SV2C: variants seen among roughly 807,000 people sequenced by gnomAD.
SV2C encodes synaptic vesicle glycoprotein 2C.
A neutral mutation model predicts 79.7 loss-of-function variants in SV2C; 49 were observed. The observed-to-expected ratio is 0.61, with a 90% CI of 0.49 to 0.78. The LOEUF is 0.78. SV2C is among the 30% of genes least tolerant of loss of function. SV2C has a pLI of 0.00. For missense variants in SV2C, 833 were observed against 912.9 expected, an observed-to-expected ratio of 0.91 and a Z score of 1.13; for synonymous variants, 334 against 333.2, an observed-to-expected ratio of 1.00 and a Z score of -0.03.
the SV2C span, among the ~76,000 whole-genome samples, chr5:75,997,579 C>T: frequency 6.6e-6 from 1 of 152,152 alleles, no homozygotes; most frequent in Admixed American, 6.5e-5. Flanking sequence ...AACCAAAACA[C>T]ACATGAAAAA....
At chr5:76,116,597 C>G (rs73764475) in intron 1 of SV2C, among the ~76,000 whole-genome samples, 2,403 of 152,252 alleles carry the variant, frequency 0.016, 69 homozygotes, top group African/African-American at 0.055. Context: ...GCAGAACTGA[C>G]CACATTGACT....
intron 2 of SV2C, among the ~76,000 whole-genome samples, chr5:76,169,502 A>G (rs940550218): frequency 7.9e-5 from 12 of 152,212 alleles, no homozygotes; most frequent in African/African-American, 2.9e-4. Context: ...TTTTGTTTCT[A>G]AAGCCGACAG....
rs1329059792 is a variant in SV2C, at chr5:76,285,855, T to C, written c.1122T>C (p.Pro374=). 13 of 1,613,982 alleles carry C rather than the reference T, an allele frequency of 8.1e-6. No homozygotes were observed. The highest frequency in any genetic ancestry group is 1.0e-5 in the Non-Finnish European group (12 of 1,179,912). The change falls in exon 6 of 13, where the codon CCT becomes CCC. Residue 374 remains proline (P), a synonymous_variant. Transcript: ENST00000502798. The part of the protein sequence containing the change: ...HDTNMRARGQ[P]EKVFTVNKIK... Reference sequence around the variant, plus strand: ...CCAACATGAGAGCCCGGGGTCAGCCTGAGAAGGTCTTCACGGTGAGTCTTC... The same window carrying C: ...CCAACATGAGAGCCCGGGGTCAGCCCGAGAAGGTCTTCACGGTGAGTCTTC...
At chr5:76,243,012 T>TAAAAAAAAAAAAAAAAAAAAAAAAAAAA (rs559052290) in intron 4 of SV2C, among the ~76,000 whole-genome samples, 10 of 49,924 alleles carry the variant, frequency 2.0e-4, no homozygotes, top group African/African-American at 3.8e-4. Context: ...AGACCCCATC[T>TAAAAAAAAAAAAAAAAAAAAAAAAAAAA]AAAAAAAAAA....
chr5:76,035,817 C>T, the SV2C span, among the ~76,000 whole-genome samples: 5 of 151,946 alleles, frequency 3.3e-5, no homozygotes, highest in South Asian at 2.1e-4. Flanking sequence ...CTTTCTGTCT[C>T]GTTGATCTGT....
At chr5:76,344,779 A>G (rs1749507649) in intron 12 of SV2C, among the ~76,000 whole-genome samples, 1 of 152,244 alleles carries the variant, frequency 6.6e-6, no homozygotes, top group Admixed American at 6.5e-5. Context: ...AATTTAAATT[A>G]AAAATGAACT....
the SV2C span, among the ~76,000 whole-genome samples, chr5:75,850,330 T>TATA: frequency 6.6e-6 from 1 of 152,212 alleles, no homozygotes; most frequent in South Asian, 2.1e-4. Flanking sequence ...TGATCATGTT[T>TATA]TTCACTTCTG....
the SV2C span, among the ~76,000 whole-genome samples, chr5:75,984,021 G>A: frequency 6.6e-6 from 1 of 152,116 alleles, no homozygotes; most frequent in Non-Finnish European, 1.5e-5. Flanking sequence ...AGCTACTCCA[G>A]CTGAAGCTGT....
chr5:76,025,591 A>C, the SV2C span, among the ~76,000 whole-genome samples: 4 of 152,192 alleles, frequency 2.6e-5, no homozygotes, highest in African/African-American at 9.7e-5. Context: ...AACAACAAAA[A>C]CATCCAAATT....
At chr5:76,136,305 C>T (rs1342414801) in intron 2 of SV2C, among the ~76,000 whole-genome samples, 4 of 152,116 alleles carry the variant, frequency 2.6e-5, no homozygotes, top group South Asian at 2.1e-4. Context: ...TGAGACAGGG[C>T]CAGATTGCTT....
intron 1 of SV2C, among the ~76,000 whole-genome samples, chr5:76,118,937 C>T (rs936518235): frequency 2.0e-5 from 3 of 152,126 alleles, no homozygotes; most frequent in Admixed American, 1.3e-4. Flanking sequence ...GAGCCAAGAT[C>T]GTGCCACTGT....
chr5:76,321,317 A>G (rs1748822259), intron 12 of SV2C, among the ~76,000 whole-genome samples: 1 of 151,986 alleles, frequency 6.6e-6, no homozygotes, highest in Non-Finnish European at 1.5e-5. Flanking sequence ...AAAACAAGGT[A>G]TCCAAAAATT....
chr5:76,132,203 G>T lies in SV2C; in HGVS notation c.453G>T (p.Gln151His). ...AAGAATGCGGTCATGGTCGTTTTCAGTGGGCCCTTTTCTTCGTCCTGGGCA... is the reference window on the plus strand; with the variant it reads ...AAGAATGCGGTCATGGTCGTTTTCATTGGGCCCTTTTCTTCGTCCTGGGCA... ...IIQECGHGRF[Q>H]WALFFVLGMA... The change falls in exon 2 of 13, where the codon CAG becomes CAT. Residue 151 changes from glutamine to histidine, a missense_variant. Coordinates refer to ENST00000502798, the MANE Select transcript of SV2C (RefSeq NM_014979.4). 6.2e-7 allele frequency: 1 copy of T among 1,614,164 alleles called. No homozygotes were observed. The highest frequency in any genetic ancestry group is 1.1e-5 in the South Asian group (1 of 91,080).
intron 1 of SV2C, among the ~76,000 whole-genome samples, chr5:76,107,831 C>A (rs1049755859): frequency 7.9e-5 from 12 of 151,934 alleles, no homozygotes; most frequent in African/African-American, 2.9e-4. Context: ...CCAGCCTGGG[C>A]AACAGATGAA....
At chr5:76,098,312 C>A (rs1747631069) in intron 1 of SV2C, among the ~76,000 whole-genome samples, 1 of 152,312 alleles carries the variant, frequency 6.6e-6, no homozygotes, top group African/African-American at 2.4e-5. Flanking sequence ...GCCTGGTGAC[C>A]AATCTTTGTC....
At chr5:75,909,246 G>A in the SV2C span, among the ~76,000 whole-genome samples, 1 of 152,182 alleles carries the variant, frequency 6.6e-6, no homozygotes, top group Admixed American at 6.5e-5. Flanking sequence ...TGTGTGTCAG[G>A]GTCCTGAATC....
At chr5:76,112,008 C>CA (rs545078557) in intron 1 of SV2C, among the ~76,000 whole-genome samples, 2 of 152,090 alleles carry the variant, frequency 1.3e-5, no homozygotes, top group Non-Finnish European at 2.9e-5. Flanking sequence ...AGAAGGCCTG[C>CA]AAAAAAGTTT....
At chr5:76,032,328 T>C in the SV2C span, among the ~76,000 whole-genome samples, 2 of 152,276 alleles carry the variant, frequency 1.3e-5, no homozygotes, top group East Asian at 1.9e-4. Flanking sequence ...ACCTGTGCCA[T>C]GCTGGTGCGC....
the SV2C span, among the ~76,000 whole-genome samples, chr5:75,977,202 T>G: frequency 6.6e-6 from 1 of 152,178 alleles, no homozygotes; most frequent in Non-Finnish European, 1.5e-5. Context: ...CAAACCAGAA[T>G]GGAGTCCCTT....
Sources: gnomAD v4.1 joint callset for allele counts (sites outside exome capture counted in the v4.1 genomes callset) on GRCh38, gnomAD v4.1.1 for gene constraint, MANE v1.5 for transcripts, NCBI Gene and HGNC (gene_info 2026-07-23, HGNC 2026-07-21) for gene names.